Variants in RFPL1 observed in about 807,000 individuals in gnomAD.
RFPL1 encodes the protein ret finger protein like 1, also known as ret finger protein-like 1.
RFPL1 carries 6 observed loss-of-function variants against 9.6 expected under a neutral mutation model. That is an observed-to-expected ratio of 0.62 (90% CI 0.34 to 1.23). RFPL1 has a LOEUF of 1.23. Ranked by LOEUF, RFPL1 falls within the 50% of genes most tolerant of loss-of-function variation. The probability of loss-of-function intolerance (pLI) is 0.03; values close to 1 mark genes in which losing one functional copy is unlikely to be tolerated. For synonymous variants in RFPL1, 145 were observed against 149.4 expected (o/e 0.97, Z 0.22); for missense variants, 352 against 398.4 (o/e 0.88, Z 0.99).
At chr22:29,388,937 G>T in the RFPL1 span, among the ~76,000 whole-genome samples, 1 of 152,098 alleles carries the variant, frequency 6.6e-6, no homozygotes, top group Non-Finnish European at 1.5e-5. Flanking sequence ...GCAGTGGCTC[G>T]AAGATCTGGG....
the RFPL1 span, among the ~76,000 whole-genome samples, chr22:29,388,013 T>C: frequency 6.6e-6 from 1 of 152,202 alleles, no homozygotes; most frequent in Non-Finnish European, 1.5e-5. Flanking sequence ...GACCGTTTTC[T>C]AGTTTTTTTT....
chr22:29,437,669 C>A, upstream of RFPL1: 2 of 1,589,860 alleles, frequency 1.3e-6, no homozygotes, highest in Non-Finnish European at 8.5e-7. Context: ...GTGCCCCTTC[C>A]GCACAAGACC....
the RFPL1 span, among the ~76,000 whole-genome samples, chr22:29,414,950 AT>A: frequency 6.6e-6 from 1 of 152,106 alleles, no homozygotes; most frequent in Non-Finnish European, 1.5e-5. Flanking sequence ...CATTTGGGCC[AT>A]CCGTGGGTTA....
exon 1 of RFPL1, chr22:29,439,043 C>A (rs746495077): frequency 1.2e-6 from 2 of 1,614,142 alleles, no homozygotes; most frequent in Admixed American, 3.3e-5. Context: ...GTTCCATGGT[C>A]TCTCAGAAGA....
chr22:29,412,945 G>A, the RFPL1 span, among the ~76,000 whole-genome samples: 1 of 152,080 alleles, frequency 6.6e-6, no homozygotes, highest in Non-Finnish European at 1.5e-5. Flanking sequence ...CTGGGTGCAA[G>A]AGCGCCCCCT....
the RFPL1 span, among the ~76,000 whole-genome samples, chr22:29,412,990 T>C: frequency 6.6e-6 from 1 of 152,048 alleles, no homozygotes; most frequent in African/African-American, 2.4e-5. Flanking sequence ...ATTGTCCTCA[T>C]GGTCATATCC....
chr22:29,419,801 C>CAAAA, the RFPL1 span, among the ~76,000 whole-genome samples: 6 of 64,134 alleles, frequency 9.4e-5, no homozygotes, highest in East Asian at 2.5e-3. Context: ...ATCCTCTCTC[C>CAAAA]AAAAAAAAAA....
the RFPL1 span, among the ~76,000 whole-genome samples, chr22:29,396,301 A>G: frequency 5.9e-5 from 9 of 152,214 alleles, no homozygotes; most frequent in African/African-American, 2.2e-4. Flanking sequence ...ATTAATGCCA[A>G]TCACAGAAGG....
At chr22:29,441,382 T>C in intron 1 of RFPL1, 160 bp from the exon 2 acceptor site, 1 of 775,956 alleles carries the variant, frequency 1.3e-6, no homozygotes. Flanking sequence ...TATGAGAATT[T>C]GAACTAGTCA....
chr22:29,388,031 T>C, the RFPL1 span, among the ~76,000 whole-genome samples: 1 of 152,310 alleles, frequency 6.6e-6, no homozygotes, highest in South Asian at 2.1e-4. Flanking sequence ...TTTTCTTTCT[T>C]CTTTTTCAAC....
In RFPL1 at chr22:29,438,878, C is replaced by A. The variant is rs144933589; in HGVS notation, c.87C>A (p.Asp29Glu). Residue 29 changes from aspartate (D) to glutamate (E), a missense_variant, in exon 1 of 2, where the codon GAC becomes GAA. Asp to Glu is a conservative substitution (Grantham distance 45). Coordinates refer to ENST00000354373, the Ensembl canonical transcript of RFPL1. ...TGTGCACTTTTCCCCTGGCAGTGGACATGGCTGCACTCTTCCAAGAAGCAA... is the reference window on the plus strand; with the variant it reads ...TGTGCACTTTTCCCCTGGCAGTGGAAATGGCTGCACTCTTCCAAGAAGCAA... The A allele has an allele frequency of 1.0e-4, 165 of 1,613,996 alleles. 2 individuals are homozygous for A. The African/African-American group carries it at 2.0e-3, about 20-fold the overall frequency.
chr22:29,409,333 C>G, the RFPL1 span, among the ~76,000 whole-genome samples: 4 of 152,146 alleles, frequency 2.6e-5, no homozygotes, highest in African/African-American at 7.2e-5. Context: ...TTAACCGGTT[C>G]TTAAGGTGAC....
At chr22:29,400,003 T>A in the RFPL1 span, among the ~76,000 whole-genome samples, 1 of 148,956 alleles carries the variant, frequency 6.7e-6, no homozygotes, top group East Asian at 2.0e-4. Context: ...TCTTTTTTTT[T>A]TTTTTTTTTT....
At chr22:29,442,300 T>TAAAA (rs1329475525) in exon 2 of RFPL1, 2 of 456,788 alleles carry the variant, frequency 4.4e-6, no homozygotes, top group Non-Finnish European at 7.6e-6. Flanking sequence ...GTATTAATTA[T>TAAAA]TGCCACCATC....
At chr22:29,417,938 GTT>G in the RFPL1 span, among the ~76,000 whole-genome samples, 13 of 129,350 alleles carry the variant, frequency 1.0e-4, no homozygotes, top group Admixed American at 1.6e-4. Flanking sequence ...ACCTTGAATG[GTT>G]TTTTTTTTTT....
At chr22:29,410,259 G>C in the RFPL1 span, among the ~76,000 whole-genome samples, 1 of 122,822 alleles carries the variant, frequency 8.1e-6, no homozygotes, top group East Asian at 2.4e-4. Context: ...TATATTTGTA[G>C]ATATATATAT....
exon 2 of RFPL1, chr22:29,442,118 A>T: frequency 6.5e-7 from 1 of 1,530,412 alleles, no homozygotes; most frequent in African/African-American, 1.4e-5. Context: ...GGGGAGGCCA[A>T]ATAAGCCCCC....
chr22:29,417,563 G>C, the RFPL1 span, among the ~76,000 whole-genome samples: 34,650 of 145,330 alleles, frequency 0.24, 5,556 homozygotes, highest in African/African-American at 0.43. Context: ...TTGGATTTCA[G>C]AAGAACTGGG....
At chr22:29,408,778 G>C in the RFPL1 span, among the ~76,000 whole-genome samples, 1 of 152,220 alleles carries the variant, frequency 6.6e-6, no homozygotes, top group African/African-American at 2.4e-5. Context: ...GTTTGGTAGT[G>C]AGTGTATTTC....
Sources: allele counts gnomAD v4.1 joint callset (sites outside exome capture counted in the v4.1 genomes callset), GRCh38; gene constraint gnomAD v4.1.1; transcripts MANE v1.5; gene names NCBI Gene and HGNC (gene_info 2026-07-23, HGNC 2026-07-21).